Variants in MRC1 observed in about 807,000 individuals in gnomAD.
MRC1 encodes mannose receptor C-type 1.
A neutral mutation model predicts 102.9 loss-of-function variants in MRC1; 62 were observed. The ratio of observed to expected loss-of-function variants is 0.60; its 90% CI spans 0.49 to 0.74. MRC1 has a LOEUF of 0.74. Among genes scored for constraint, MRC1 ranks in the 30% least tolerant of loss-of-function variants. The pLI, the probability that MRC1 is intolerant of heterozygous loss-of-function variation, is 0.00. For synonymous variants in MRC1, 457 were observed against 298.4 expected (o/e 1.53, Z -5.48); for missense variants, 1,237 against 862.8 (o/e 1.43, Z -5.43).
intron 23 of MRC1, among the ~76,000 whole-genome samples, chr10:17,896,329 C>A (rs1406795950): frequency 6.6e-6 from 1 of 152,154 alleles, no homozygotes; most frequent in Admixed American, 6.5e-5. Flanking sequence ...TAACCTTTCT[C>A]AATCCAAAAG....
At chr10:17,814,610 ACCCTCCACACCACATCC>A (rs1436084753) in intron 1 of MRC1, among the ~76,000 whole-genome samples, 1 of 145,534 alleles carries the variant, frequency 6.9e-6, no homozygotes, top group Non-Finnish European at 1.5e-5. Context: ...AAAGAAGATA[ACCCTCCACACCACATCC>A]CCTGAGGCTA....
intron 23 of MRC1, among the ~76,000 whole-genome samples, chr10:17,897,211 T>G (rs1003709250): frequency 0.011 from 1,731 of 152,332 alleles, 38 homozygotes; most frequent in African/African-American, 0.039. Context: ...GATTTCATCC[T>G]CTGGCTATTA....
chr10:17,873,371 A>G (rs1322304638), intron 15 of MRC1, among the ~76,000 whole-genome samples: 1 of 152,214 alleles, frequency 6.6e-6, no homozygotes, highest in Non-Finnish European at 1.5e-5. Context: ...CACCTATTAC[A>G]TACCAATAAC....
chr10:17,856,305 C>G lies in MRC1; in HGVS notation c.1471C>G (p.Arg491Gly). The change falls in exon 9 of 30, where the codon CGA (arginine) becomes GGA (glycine). Residue 491 changes from arginine to glycine, a missense_variant. Coordinates refer to ENST00000569591, the MANE Select transcript of MRC1 (RefSeq NM_002438.4). ...PLGYICKMKS[R>G]SQGPEIVEVE... The stretch of plus-strand genomic sequence containing the variant: ...TGGCTACATCTGCAAGATGAAATCA[C>G]GAAGCCAAGGTCCAGAAATAGTGGA... The G allele has an allele frequency of 1.2e-6, 1 of 863,046 alleles. No homozygotes were observed. Among genetic ancestry groups the G allele is most frequent in the Non-Finnish European group, 2.0e-6 (1 of 497,278 alleles). The allele number at this position is 863,046 out of a possible 1,614,324, so 53.5% of individuals were successfully genotyped here.
chr10:17,896,450 G>GA (rs1160447848), intron 23 of MRC1, among the ~76,000 whole-genome samples: 1 of 152,152 alleles, frequency 6.6e-6, no homozygotes, highest in Admixed American at 6.5e-5. Flanking sequence ...TTTGGGACAA[G>GA]AGGGGACACT....
At chr10:17,810,169 GA>G (rs1255784115) in intron 1 of MRC1, among the ~76,000 whole-genome samples, 1 of 152,142 alleles carries the variant, frequency 6.6e-6, no homozygotes, top group Non-Finnish European at 1.5e-5. Context: ...TACTCATTAG[GA>G]ACAGCTCCAG....
chr10:17,823,039 T>G (rs1838418810), intron 1 of MRC1, 35 bp from the exon 2 acceptor site: 1 of 780,156 alleles, frequency 1.3e-6, no homozygotes, highest in South Asian at 1.3e-5. Flanking sequence ...ATGCTTGCTT[T>G]CTTCTTCTTT....
intron 12 of MRC1, among the ~76,000 whole-genome samples, chr10:17,869,397 C>T (rs1216391476): frequency 6.6e-6 from 1 of 152,172 alleles, no homozygotes; most frequent in African/African-American, 2.4e-5. Context: ...TCTTCGGCTG[C>T]TTAATGACAA....
chr10:17,900,702 A>G (rs1833817625), intron 24 of MRC1, 86 bp from the exon 25 acceptor site: 4 of 778,834 alleles, frequency 5.1e-6, no homozygotes, highest in Non-Finnish European at 4.8e-6. Flanking sequence ...ATGGTCTTAA[A>G]TATACTTTGT....
chr10:17,812,873 C>T (rs909531581), intron 1 of MRC1, among the ~76,000 whole-genome samples: 4 of 152,178 alleles, frequency 2.6e-5, no homozygotes, highest in African/African-American at 9.6e-5. Flanking sequence ...ACCTGGCCAA[C>T]AATAGGCTCT....
intron 1 of MRC1, among the ~76,000 whole-genome samples, chr10:17,815,444 G>C (rs1554837769): frequency 6.6e-6 from 1 of 152,184 alleles, no homozygotes; most frequent in Non-Finnish European, 1.5e-5. Flanking sequence ...GGGGAGGCTG[G>C]CATTCAGAGG....
chr10:17,877,362 A>T (rs1016253193), intron 17 of MRC1, among the ~76,000 whole-genome samples: 8,670 of 148,646 alleles, frequency 0.058, 357 homozygotes, highest in South Asian at 0.1. Flanking sequence ...TGTATAATAT[A>T]TTTTATATTA....
intron 26 of MRC1, among the ~76,000 whole-genome samples, chr10:17,902,788 A>G (rs947407642): frequency 1.3e-5 from 2 of 152,108 alleles, no homozygotes; most frequent in South Asian, 2.1e-4. Context: ...TCTGAGTGAG[A>G]TGAAGTTTGC....
intron 28 of MRC1, 146 bp downstream of exon 28, chr10:17,907,844 A>G (rs1833916466): frequency 1.4e-6 from 1 of 704,932 alleles, no homozygotes; most frequent in Non-Finnish European, 2.6e-6. Flanking sequence ...CTGCCGTTGT[A>G]GTTCATTACT....
chr10:17,846,209 G>T (rs1554840219), intron 6 of MRC1, among the ~76,000 whole-genome samples: 1 of 151,678 alleles, frequency 6.6e-6, no homozygotes, highest in African/African-American at 2.4e-5. Context: ...TGCCTGGCCT[G>T]TAACTGAATT....
At chr10:17,816,475 G>A (rs1276822473) in intron 1 of MRC1, among the ~76,000 whole-genome samples, 1 of 152,160 alleles carries the variant, frequency 6.6e-6, no homozygotes, top group Non-Finnish European at 1.5e-5. Flanking sequence ...TCACATCCAA[G>A]GTACAAGAGA....
chr10:17,867,980 A>T (rs1356392819), intron 12 of MRC1, among the ~76,000 whole-genome samples: 1 of 152,196 alleles, frequency 6.6e-6, no homozygotes, highest in South Asian at 2.1e-4. Flanking sequence ...TCAATATTCT[A>T]CCACTATTTA....
chr10:17,819,799 A>G (rs1247902976), intron 1 of MRC1, among the ~76,000 whole-genome samples: 2 of 151,906 alleles, frequency 1.3e-5, no homozygotes, highest in African/African-American at 2.4e-5. Flanking sequence ...AAAAATATTA[A>G]CTGGGTATGG....
At chr10:17,857,536 C>T (rs1204381154) in intron 9 of MRC1, among the ~76,000 whole-genome samples, 1 of 151,742 alleles carries the variant, frequency 6.6e-6, no homozygotes, top group Non-Finnish European at 1.5e-5. Context: ...AATAGCAGTC[C>T]CTTATGAAGT....
Sources: gnomAD v4.1 joint callset for allele counts (sites outside exome capture counted in the v4.1 genomes callset) on GRCh38, gnomAD v4.1.1 for gene constraint, MANE v1.5 for transcripts, NCBI Gene and HGNC (gene_info 2026-07-23, HGNC 2026-07-21) for gene names.